Variants in NCAPD3 observed in about 807,000 individuals in gnomAD.
The protein encoded by NCAPD3 is non-SMC condensin II complex subunit D3.
In NCAPD3, 105 loss-of-function variants were observed where a neutral mutation model predicts 182.9. The ratio of observed to expected loss-of-function variants is 0.57; its 90% confidence interval spans 0.49 to 0.68. The LOEUF (loss-of-function observed/expected upper bound fraction) is 0.68. Ranked by LOEUF, NCAPD3 falls within the 30% of genes least tolerant of loss-of-function variation. The pLI is 0.00. For missense variants in NCAPD3, 1,944 were observed against 1,837.0 expected, an observed-to-expected ratio of 1.06 and a Z score of -1.07; for synonymous variants, 815 against 679.9, an observed-to-expected ratio of 1.20 and a Z score of -3.09.
rs1944373564 is a variant in NCAPD3 at position 134,184,990 on chromosome 11, G to C, written c.2248C>G (p.Pro750Ala). 6.2e-7 allele frequency: 1 copy of C among 1,611,986 alleles called. No homozygotes were observed. The highest frequency in any genetic ancestry group is 1.1e-5 in the South Asian group (1 of 91,018). The change falls in exon 18 of 35, where the codon CCC (proline) becomes GCC (alanine). Residue 750 changes from proline (P) to alanine (A), a missense_variant. Physicochemically the swap from Pro to Ala is conservative, Grantham distance 27 (BLOSUM62 -1). Coordinates refer to ENST00000534548, the MANE Select transcript of NCAPD3 (RefSeq NM_015261.3). ...ATATGTCCTAAGGTGTTTGAATTGG[G>C]ATTCTGCTGACTAGAGAAAGGGCAG... is the stretch of plus-strand genomic sequence containing the variant. ...SWEKISSQQN[P>A]NSNTLGHILC...
At chr11:134,161,368 G>A (rs993890654) in intron 28 of NCAPD3, among the ~76,000 whole-genome samples, 1 of 152,126 alleles carries the variant, frequency 6.6e-6, no homozygotes, top group Admixed American at 6.5e-5. Flanking sequence ...GCTCCTGCAG[G>A]GCAGTTATTT....
chr11:134,163,402 T>C, intron 27 of NCAPD3, among the ~76,000 whole-genome samples: 1 of 152,058 alleles, frequency 6.6e-6, no homozygotes, highest in Non-Finnish European at 1.5e-5. Context: ...AAATTTGTAC[T>C]TAAGAAAGAC....
rs1294724023 is a variant in NCAPD3, at chr11:134,151,767, CTT to C, written c.*1175_*1176del. 1 of 152,150 alleles carries C rather than the reference CTT, an allele frequency of 6.6e-6. No homozygotes were observed. The highest frequency in any genetic ancestry group is 2.1e-4 in the South Asian group (1 of 4,820). 9.4% of individuals were successfully genotyped at this position (152,150 alleles called of 1,614,324 possible). On this transcript the variant is annotated 3_prime_UTR_variant, in exon 35 of 35. Transcript: ENST00000534548. ...AAAAAAACCCAAACATTGCTTCATT[CTT>C]TGTTATTTGCTCTTACGTTGGGTTT...
Position 134,151,384 on chromosome 11 carries a change from T to A in NCAPD3, c.*1560A>T, listed in dbSNP as rs1277339144. 1 of 152,146 alleles carries A rather than the reference T, an allele frequency of 6.6e-6. No homozygotes were observed. Among genetic ancestry groups the A allele is most frequent in the Non-Finnish European group, 1.5e-5 (1 of 68,014 alleles). 9.4% of individuals were successfully genotyped at this position (152,146 alleles called of 1,614,324 possible). ...TGCCACCTTGGTAGAGAGGGATGGC[T>A]CCCCACCCTCAGCGTTGGGGATTCA... On this transcript the variant is annotated 3_prime_UTR_variant, in exon 35 of 35. Transcript: ENST00000534548.
rs903761581 is a variant in NCAPD3 at position 134,164,989 on chromosome 11, GAC to G, written c.3573+3005_3573+3006del. 1.3e-3 allele frequency among the ~76,000 whole-genome samples: 194 copies of G among 150,052 alleles called. 2 individuals are homozygous for G. Among genetic ancestry groups the G allele is most frequent in the African/African-American group, 4.4e-3 (178 of 40,626 alleles). On this transcript the variant is annotated intron_variant, in intron 27 of 34. Transcript: ENST00000534548. ...TTAGGGGAGTGGCATGCTCACTTGT[GAC>G]ACAAACTTAGGGAAGCTGCACACCC...
intron 14 of NCAPD3, 81 bp downstream of exon 14, chr11:134,194,584 G>A: frequency 1.0e-6 from 1 of 984,262 alleles, no homozygotes; most frequent in Non-Finnish European, 1.5e-6. Flanking sequence ...AATGAATATG[G>A]CCTAAGAGTT....
At chr11:134,178,017 T>A (rs1222146285) in intron 22 of NCAPD3, 1 of 152,100 alleles carries the variant, frequency 6.6e-6, no homozygotes, top group Non-Finnish European at 1.5e-5. Flanking sequence ...TACAAAAAAA[T>A]TAATAACTTA....
Position 134,152,710 on chromosome 11 carries a change from A to C in NCAPD3, c.*234T>G. 1 of 427,170 alleles carries C rather than the reference A, an allele frequency of 2.3e-6. No homozygotes were observed. Among genetic ancestry groups the C allele is most frequent in the Non-Finnish European group, 4.1e-6 (1 of 242,940 alleles). The allele number at this position is 427,170 out of a possible 1,614,324, so 26.5% of individuals were successfully genotyped here. ...ATGGAATAAAGTTACAATATTAAAC[A>C]GATTAGGGTAAGAAAATCTAAATCT... On this transcript the variant is annotated 3_prime_UTR_variant, in exon 35 of 35. Coordinates refer to ENST00000534548, the MANE Select transcript of NCAPD3 (RefSeq NM_015261.3).
At position 134,178,477 on chromosome 11, in the gene NCAPD3, T is replaced by C. The variant is rs1591838106; in HGVS notation, c.2782+157A>G. ...TGACCAGCACGCAGTTATGCAGAGC[T>C]CAGCACTCAGATCAGAGCCACCTCT... is the stretch of plus-strand genomic sequence containing the variant. On this transcript the variant is annotated intron_variant, in intron 22 of 34. Coordinates refer to ENST00000534548, the MANE Select transcript of NCAPD3 (RefSeq NM_015261.3). 9.6e-6 allele frequency: 5 copies of C among 520,232 alleles called. No individual in the cohort carries two copies. The South Asian group carries it at 2.2e-4, about 23-fold the overall frequency. The allele number at this position is 520,232 out of a possible 1,614,324, so 32.2% of individuals were successfully genotyped here.
intron 27 of NCAPD3, among the ~76,000 whole-genome samples, chr11:134,165,774 C>T (rs1458242800): frequency 6.9e-6 from 1 of 144,112 alleles, no homozygotes; most frequent in African/African-American, 2.6e-5. Flanking sequence ...GGGAGGTACA[C>T]ACTCGTGAGA....
chr11:134,169,802 C>T (rs529387459), intron 24 of NCAPD3, among the ~76,000 whole-genome samples: 1 of 152,344 alleles, frequency 6.6e-6, no homozygotes, highest in East Asian at 1.9e-4. Flanking sequence ...TGACAGAGTG[C>T]CAAAGCACTG....
chr11:134,176,522 T>C, intron 23 of NCAPD3, 136 bp from the exon 24 acceptor site: 1 of 694,506 alleles, frequency 1.4e-6, no homozygotes, highest in Non-Finnish European at 2.5e-6. Context: ...TTCCAAACCG[T>C]CGGAATGTAG....
chr11:134,190,705 G>T (rs941502404), intron 16 of NCAPD3, among the ~76,000 whole-genome samples: 1 of 152,150 alleles, frequency 6.6e-6, no homozygotes, highest in African/African-American at 2.4e-5. Flanking sequence ...TCAAACTCCT[G>T]GTCTTAAGCA....
chr11:134,155,144 C>A (rs1034304786), intron 32 of NCAPD3, among the ~76,000 whole-genome samples: 1 of 152,156 alleles, frequency 6.6e-6, no homozygotes, highest in African/African-American at 2.4e-5. Flanking sequence ...CTTGCTAAAA[C>A]CCCCACAGAT....
At chr11:134,223,016 G>C (rs1298654804) in intron 1 of NCAPD3, 1 of 190,792 alleles carries the variant, frequency 5.2e-6, no homozygotes, top group Non-Finnish European at 1.1e-5. Context: ...CTATGGGGTA[G>C]AGCCAAGGGA....
rs1943264775 is a variant in NCAPD3, at chr11:134,152,304, T to TCAAGA, written c.*635_*639dup. ...TGCCTGGGCACAGATGAACTGCCCT[T>TCAAGA]CAAGACAATCATCTTTTTTCTAATA... On this transcript the variant is annotated 3_prime_UTR_variant, in exon 35 of 35. Coordinates refer to ENST00000534548, the MANE Select transcript of NCAPD3 (RefSeq NM_015261.3). The TCAAGA allele has an allele frequency of 6.6e-6, 1 of 152,216 alleles. No homozygotes were observed. Among genetic ancestry groups the TCAAGA allele is most frequent in the Admixed American group, 6.5e-5 (1 of 15,282 alleles). 9.4% of individuals were successfully genotyped at this position (152,216 alleles called of 1,614,324 possible).
At chr11:134,162,363 GTC>G (rs143115531) in intron 27 of NCAPD3, among the ~76,000 whole-genome samples, 14 of 151,998 alleles carry the variant, frequency 9.2e-5, no homozygotes, top group Non-Finnish European at 1.5e-4. Context: ...AGCCAGCTCT[GTC>G]TCTCTCTCTG....
intron 2 of NCAPD3, among the ~76,000 whole-genome samples, chr11:134,217,801 C>T (rs562666884): frequency 1.3e-3 from 202 of 152,268 alleles, no homozygotes; most frequent in African/African-American, 4.6e-3. Context: ...AAAAAACTTA[C>T]GGGAGAAATC....
At chr11:134,223,397 G>A (rs2136038720) in intron 1 of NCAPD3, 1 of 702,328 alleles carries the variant, frequency 1.4e-6, no homozygotes. Context: ...TTGGTGGCTT[G>A]GATGGTGCCA....
Sources: allele counts gnomAD v4.1 joint callset (sites outside exome capture counted in the v4.1 genomes callset), GRCh38; gene constraint gnomAD v4.1.1; transcripts MANE v1.5; gene names NCBI Gene and HGNC (gene_info 2026-07-23, HGNC 2026-07-21).